MFGE8: variants seen among roughly 807,000 people sequenced by gnomAD.
MFGE8 encodes the protein lactadherin.
Under a neutral mutation model 42.6 loss-of-function variants are expected in MFGE8, and 34 were observed. The observed-to-expected ratio is 0.80, with a 90% CI of 0.61 to 1.06. MFGE8 has a LOEUF of 1.06. Ranked by LOEUF, MFGE8 falls within the 50% of genes least tolerant of loss-of-function variation. The pLI is 0.00. For missense variants in MFGE8, 510 were observed against 516.9 expected (o/e 0.99, Z 0.13); for synonymous variants, 230 against 214.8 (o/e 1.07, Z -0.62).
chr15:88,912,471 G>A (rs764729625), intron 1 of MFGE8: 62 of 985,356 alleles, frequency 6.3e-5, no homozygotes, highest in Non-Finnish European at 7.4e-5. Context: ...TGATGGAGGG[G>A]CCACCTAAAG....
At chr15:88,912,446 A>G in intron 1 of MFGE8, 1 of 985,228 alleles carries the variant, frequency 1.0e-6, no homozygotes, top group Non-Finnish European at 1.2e-6. Context: ...AGTCAATCCC[A>G]TTTCTATGAG....
intron 6 of MFGE8, 80 bp downstream of exon 6, chr15:88,901,471 G>T: frequency 7.1e-7 from 1 of 1,409,236 alleles, no homozygotes; most frequent in Non-Finnish European, 1.0e-6. Flanking sequence ...AGAAGCCTGG[G>T]CTGGAGAGAG....
In MFGE8 at chr15:88,899,398, A is replaced by G; in HGVS notation, c.1161T>C (p.Cys387=). The change falls in exon 8 of 8, where the codon TGT becomes TGC. Residue 387 remains cysteine (C), a synonymous_variant. Coordinates refer to ENST00000268150, the MANE Select transcript of MFGE8 (RefSeq NM_005928.4). The surrounding 1 kb of genome is among the most constrained non-coding windows in gnomAD (Gnocchi z 6.8). ...RIALRLELLG[C] is the part of the protein sequence containing the mutation. ...ACCTGGGGGTGGCAGGTGGCCACTA[A>G]CAGCCCAGCAGCTCCAGGCGCAGGG... 1 of 1,614,088 alleles carries G rather than the reference A, an allele frequency of 6.2e-7. No homozygotes were observed. The highest frequency in any genetic ancestry group is 2.2e-5 in the East Asian group (1 of 44,880).
chr15:88,907,395 C>T lies in MFGE8; in HGVS notation c.206-19G>A. ...ACACATTCTGAGGGAAGGGAGGTGG[C>T]AGTCAGGTGGCTACCCCAGCAGGTT... On this transcript the variant is annotated intron_variant, in intron 2 of 7. Transcript: ENST00000268150. The T allele has an allele frequency of 6.2e-7, 1 of 1,613,368 alleles. No homozygotes were observed. Among genetic ancestry groups the T allele is most frequent in the Non-Finnish European group, 8.5e-7 (1 of 1,179,334 alleles).
rs1899053738 is a variant in MFGE8, at chr15:88,913,254, G to A, written c.66C>T (p.Val22=). The part of the protein sequence containing the change: ...GALLCAPSLL[V]ALDICSKNPC... ...GCGGCGCGATCCACTCACCCAGGGC[G>A]ACGAGGAGGCTGGGGGCGCAGAGCA... is the stretch of plus-strand genomic sequence containing the variant. Residue 22 remains valine (V), a synonymous_variant, in exon 1 of 8, where the codon GTC becomes GTT. Transcript: ENST00000268150. The A allele has an allele frequency of 6.6e-7, 1 of 1,505,914 alleles. No homozygotes were observed. The highest frequency in any genetic ancestry group is 8.8e-7 in the Non-Finnish European group (1 of 1,135,170). 93.3% of individuals were successfully genotyped at this position (1,505,914 alleles called of 1,614,324 possible).
At position 88,906,348 on chromosome 15, in the gene MFGE8, G is replaced by A. The variant is rs960599830; in HGVS notation, c.540+278C>T. 39 of 495,974 alleles carry A rather than the reference G, an allele frequency of 7.9e-5. No individual in the cohort carries two copies. Among genetic ancestry groups the A allele is most frequent in the Non-Finnish European group, 7.4e-6 (2 of 271,264 alleles). 30.7% of individuals were successfully genotyped at this position (495,974 alleles called of 1,614,324 possible). On this transcript the variant is annotated intron_variant, in intron 4 of 7. Coordinates refer to ENST00000268150, the MANE Select transcript of MFGE8 (RefSeq NM_005928.4). This position sits in a 1 kb window ranked among gnomAD's most constrained non-coding sequence, Gnocchi z 4.2. Reference sequence around the variant, plus strand: ...CTGTACATGTACCCATGAAGGCTCAGAATGAAACCCAGCTCCACCACCACT... The same window carrying A: ...CTGTACATGTACCCATGAAGGCTCAAAATGAAACCCAGCTCCACCACCACT...
chr15:88,901,136 TTC>T (rs746231473), intron 6 of MFGE8, among the ~76,000 whole-genome samples: 5,659 of 69,028 alleles, frequency 0.082, 417 homozygotes, highest in Middle Eastern at 0.14. Context: ...CACACACACA[TTC>T]ACACACACAT....
intron 6 of MFGE8, among the ~76,000 whole-genome samples, chr15:88,900,362 G>A (rs781395714): frequency 6.6e-6 from 1 of 151,936 alleles, no homozygotes; most frequent in Non-Finnish European, 1.5e-5. Flanking sequence ...CCAACTCCAC[G>A]CCAACCACCC....
intron 1 of MFGE8, among the ~76,000 whole-genome samples, chr15:88,911,509 T>TGG (rs1898954284): frequency 6.6e-6 from 1 of 151,972 alleles, no homozygotes; most frequent in Non-Finnish European, 1.5e-5. Flanking sequence ...GATCATGAGG[T>TGG]CAGGAGATCC....
At chr15:88,900,747 C>T in intron 6 of MFGE8, 1 of 985,470 alleles carries the variant, frequency 1.0e-6, no homozygotes, top group South Asian at 4.7e-5. Context: ...TTCCATGGCT[C>T]TCTTTTGTTT....
rs1898471450 is a variant in MFGE8, at chr15:88,902,257, A to G, written c.686-522T>C. ...CTGCCACCAAAAAAAAAAAGAAAAA[A>G]AAACACTAAATGAAGTAGAAATTAG... On this transcript the variant is annotated intron_variant, in intron 5 of 7. Coordinates refer to ENST00000268150, the MANE Select transcript of MFGE8 (RefSeq NM_005928.4). This position sits in a 1 kb window ranked among gnomAD's most constrained non-coding sequence, Gnocchi z 4.3. 6.3e-6 allele frequency: 1 copy of G among 159,682 alleles called. No homozygotes were observed. The highest frequency in any genetic ancestry group is 2.4e-5 in the African/African-American group (1 of 41,594). The allele number at this position is 159,682 out of a possible 1,614,324, so 9.9% of individuals were successfully genotyped here.
chr15:88,900,864 A>C (rs1898326355), intron 6 of MFGE8: 1 of 529,392 alleles, frequency 1.9e-6, no homozygotes, highest in South Asian at 8.4e-5. Flanking sequence ...TGCCTGGGTC[A>C]TGTCTCCCTC....
rs141213799 is a variant in MFGE8 at position 88,909,861 on chromosome 15, G to A, written c.136C>T (p.Arg46Ter). Residue 46 changes from arginine to a stop codon, truncating the protein, a stop_gained, in exon 2 of 8, where the codon CGA (arginine) becomes TGA (stop). Coordinates refer to ENST00000268150, the MANE Select transcript of MFGE8 (RefSeq NM_005928.4). LOFTEE classifies it high-confidence loss of function. ...GLCEEISQEVRGDVFPSYTCT... is the reference protein window; with the variant it reads ...GLCEEISQEV ...GTGTACGAGGGGAAGACATCTCCTCGCACTTCTTGGGAAATCTCCTCGCAT... is the reference window on the plus strand; with the variant it reads ...GTGTACGAGGGGAAGACATCTCCTCACACTTCTTGGGAAATCTCCTCGCAT... 7.4e-6 allele frequency: 12 copies of A among 1,614,198 alleles called. No homozygotes were observed. The highest frequency in any genetic ancestry group is 3.3e-5 in the South Asian group (3 of 91,086).
Position 88,906,261 on chromosome 15 carries a change from C to G in MFGE8, c.541-360G>C, listed in dbSNP as rs1195804176. The G allele has an allele frequency of 1.1e-5, 5 of 452,904 alleles. No homozygotes were observed. Among genetic ancestry groups the G allele is most frequent in the Non-Finnish European group, 2.0e-5 (5 of 244,736 alleles). The allele number at this position is 452,904 out of a possible 1,614,324, so 28.1% of individuals were successfully genotyped here. On this transcript the variant is annotated intron_variant, in intron 4 of 7. Coordinates refer to ENST00000268150, the MANE Select transcript of MFGE8 (RefSeq NM_005928.4). This position sits in a 1 kb window ranked among gnomAD's most constrained non-coding sequence, Gnocchi z 4.2. ...GACAGAGTTCCACAAATGTACAATG[C>G]CTGTACTGTGAATGGTGCCTGCTTA...
Position 88,905,661 on chromosome 15 carries a change from T to C in MFGE8, c.685+96A>G, listed in dbSNP as rs1455107021. The C allele has an allele frequency of 4.0e-5, 63 of 1,557,282 alleles. No homozygotes were observed. In the East Asian group the frequency reaches 1.4e-3, roughly 34 times the overall value. ...TGGTCCCCGTGCCTTGTTGCTGCCC[T>C]ACCTAGCTCAGTTTGGCTGAGAAAA... On this transcript the variant is annotated intron_variant, in intron 5 of 7. Transcript: ENST00000268150. The surrounding 1 kb of genome is among the most constrained non-coding windows in gnomAD (Gnocchi z 6.6).
chr15:88,908,734 C>T (rs981436226), intron 2 of MFGE8, among the ~76,000 whole-genome samples: 1 of 152,220 alleles, frequency 6.6e-6, no homozygotes, highest in African/African-American at 2.4e-5. Context: ...AACCCGTCCG[C>T]CAAACCATAC....
At chr15:88,901,508 T>TTCCCCC in intron 6 of MFGE8, 43 bp downstream of exon 6, 10 of 924,200 alleles carry the variant, frequency 1.1e-5, no homozygotes, top group East Asian at 2.9e-5. Flanking sequence ...TCCCACCTCA[T>TTCCCCC]CCCACCCAAC....
intron 1 of MFGE8, 33 bp downstream of exon 1, chr15:88,913,214 G>A: frequency 6.7e-7 from 1 of 1,492,104 alleles, no homozygotes; most frequent in Non-Finnish European, 8.9e-7. Flanking sequence ...GGGGAGGAGG[G>A]GCGAGGGGCA....
intron 2 of MFGE8, 140 bp downstream of exon 2, chr15:88,909,652 C>T: frequency 1.6e-6 from 2 of 1,218,734 alleles, no homozygotes; most frequent in East Asian, 2.4e-5. Flanking sequence ...CTCTCTGAGT[C>T]TCCCCAGAGG....
Sources: allele counts gnomAD v4.1 joint callset (sites outside exome capture counted in the v4.1 genomes callset), GRCh38; gene constraint gnomAD v4.1.1; non-coding constraint Gnocchi (gnomAD v3.1); transcripts MANE v1.5; gene names NCBI Gene and HGNC (gene_info 2026-07-23, HGNC 2026-07-21).